The following GSG1L variants were observed in gnomAD, a reference collection of about 807,000 sequenced individuals.
GSG1L encodes germ cell-specific gene 1-like protein.
Under a neutral mutation model 42.1 loss-of-function variants are expected in GSG1L, and 24 were observed. The observed-to-expected ratio is 0.57, with a 90% confidence interval of 0.41 to 0.80. The LOEUF is 0.80. GSG1L is among the 30% of genes least tolerant of loss of function. The pLI, the probability that GSG1L is intolerant of heterozygous loss-of-function variation, is 0.00. For missense variants in GSG1L, 445 were observed against 472.2 expected, an observed-to-expected ratio of 0.94 and a Z score of 0.53; for synonymous variants, 215 against 203.5, an observed-to-expected ratio of 1.06 and a Z score of -0.48.
intron 1 of GSG1L, among the ~76,000 whole-genome samples, chr16:28,016,469 T>C (rs2085781857): frequency 6.6e-6 from 1 of 152,248 alleles, no homozygotes; most frequent in African/African-American, 2.4e-5. Context: ...AAGATTGTTA[T>C]TGATTTTGTT....
At position 27,817,294 on chromosome 16, in the gene GSG1L, G is replaced by A. The variant is rs140543904; in HGVS notation, c.831-9740C>T. On this transcript the variant is annotated intron_variant, in intron 5 of 6. Transcript: ENST00000447459. ...CCCAGCCTCCACTGCCCCTGCTCCA[G>A]GCTGTCATCCCCCGCCATGTTCTCC... is the stretch of plus-strand genomic sequence containing the variant. Among the ~76,000 whole-genome samples, 846 of 152,272 alleles carry A rather than the reference G, an allele frequency of 5.6e-3. 9 individuals are homozygous for A. The highest frequency in any genetic ancestry group is 0.02 in the African/African-American group (817 of 41,566).
chr16:28,010,166 CA>C (rs2085698487), intron 1 of GSG1L, among the ~76,000 whole-genome samples: 1 of 152,158 alleles, frequency 6.6e-6, no homozygotes, highest in Non-Finnish European at 1.5e-5. Context: ...TGCACCGTGT[CA>C]CCTGCACTGT....
chr16:27,815,673 G>A (rs965599207), intron 5 of GSG1L, among the ~76,000 whole-genome samples: 5 of 152,190 alleles, frequency 3.3e-5, no homozygotes, highest in African/African-American at 9.7e-5. Flanking sequence ...CACCAGCCCT[G>A]TGCCTGGACA....
chr16:27,800,742 G>T (rs1453608835), intron 6 of GSG1L, among the ~76,000 whole-genome samples: 1 of 152,204 alleles, frequency 6.6e-6, no homozygotes, highest in East Asian at 1.9e-4. Context: ...TCTCAGATGG[G>T]AGGTGGTGGG....
At chr16:28,029,119 C>T (rs578045234) in intron 1 of GSG1L, among the ~76,000 whole-genome samples, 12 of 152,304 alleles carry the variant, frequency 7.9e-5, no homozygotes, top group Admixed American at 3.3e-4. Context: ...GGTAAGGGTC[C>T]TTGAGCTGTT....
chr16:28,034,081 T>A (rs1288580285), intron 1 of GSG1L, among the ~76,000 whole-genome samples: 1 of 151,736 alleles, frequency 6.6e-6, no homozygotes, highest in Non-Finnish European at 1.5e-5. Flanking sequence ...ACCTATTCCA[T>A]CCTGTCCCAA....
intron 3 of GSG1L, among the ~76,000 whole-genome samples, chr16:27,861,596 A>T (rs1381020707): frequency 1.3e-5 from 2 of 152,210 alleles, no homozygotes; most frequent in Non-Finnish European, 2.9e-5. Context: ...AACACCCTGA[A>T]AGTCTACCAG....
chr16:27,803,812 TATAG>T (rs1331231636), intron 6 of GSG1L, among the ~76,000 whole-genome samples: 4 of 147,488 alleles, frequency 2.7e-5, no homozygotes, highest in Middle Eastern at 3.3e-3. Flanking sequence ...TAGATATAGA[TATAG>T]ATATAGATAT....
chr16:27,969,218 T>A (rs901699453), intron 1 of GSG1L, among the ~76,000 whole-genome samples: 1 of 152,184 alleles, frequency 6.6e-6, no homozygotes, highest in Non-Finnish European at 1.5e-5. Flanking sequence ...CCACAATCAA[T>A]TTTAAAACGT....
chr16:27,924,022 A>G (rs1224378071), intron 2 of GSG1L, among the ~76,000 whole-genome samples: 1 of 152,074 alleles, frequency 6.6e-6, no homozygotes, highest in African/African-American at 2.4e-5. Context: ...AATAGTGTTA[A>G]CTCAGGATTT....
At chr16:28,032,451 G>A (rs1548454) in intron 1 of GSG1L, among the ~76,000 whole-genome samples, 76,063 of 152,034 alleles carry the variant, frequency 0.5, 20,823 homozygotes, top group Non-Finnish European at 0.62. Context: ...ATGTATGCAC[G>A]ACGCGCTCTT....
Position 27,902,708 on chromosome 16 carries a change from C to T in GSG1L, c.398-18070G>A, listed in dbSNP as rs550874318. On this transcript the variant is annotated intron_variant, in intron 2 of 6. Transcript: ENST00000447459. ...GGGTGTGATCACATCCCACCTCCTCCGCTTACCAGCAGGGTGCCTTGGGCG... is the reference window on the plus strand; with the variant it reads ...GGGTGTGATCACATCCCACCTCCTCTGCTTACCAGCAGGGTGCCTTGGGCG... 3.9e-5 allele frequency among the ~76,000 whole-genome samples: 6 copies of T among 152,284 alleles called. No homozygotes were observed. The East Asian group carries it at 5.8e-4, about 15-fold the overall frequency.
At chr16:27,796,376 C>T (rs774487462) in intron 6 of GSG1L, among the ~76,000 whole-genome samples, 1 of 152,236 alleles carries the variant, frequency 6.6e-6, no homozygotes, top group Non-Finnish European at 1.5e-5. Flanking sequence ...ACACTCTCAT[C>T]GCTCTTCTAG....
At chr16:27,950,586 G>A (rs1567532210) in intron 2 of GSG1L, among the ~76,000 whole-genome samples, 1 of 152,050 alleles carries the variant, frequency 6.6e-6, no homozygotes, top group South Asian at 2.1e-4. Context: ...CTCGAGGGAT[G>A]GCTGAGAAGG....
At chr16:27,817,713 A>G (rs995917766) in intron 5 of GSG1L, among the ~76,000 whole-genome samples, 2 of 152,220 alleles carry the variant, frequency 1.3e-5, no homozygotes, top group Non-Finnish European at 2.9e-5. Context: ...AATGAAAATG[A>G]AATGAAAAAA....
chr16:27,954,181 C>T (rs1395037473), intron 2 of GSG1L, among the ~76,000 whole-genome samples: 1 of 152,026 alleles, frequency 6.6e-6, no homozygotes, highest in African/African-American at 2.4e-5. Flanking sequence ...TGGGGCTGAA[C>T]CAAAGGCCAC....
intron 2 of GSG1L, among the ~76,000 whole-genome samples, chr16:27,925,499 G>A (rs2084581524): frequency 6.6e-6 from 1 of 152,188 alleles, no homozygotes; most frequent in Admixed American, 6.5e-5. Flanking sequence ...GTCATGGGAA[G>A]CCACTGAAGA....
intron 1 of GSG1L, among the ~76,000 whole-genome samples, chr16:27,979,666 AGAG>A (rs2085294375): frequency 3.3e-5 from 3 of 92,168 alleles, no homozygotes; most frequent in African/African-American, 4.8e-5. Context: ...AAAGAAAGAG[AGAG>A]AGAGAGAGAG....
In GSG1L at chr16:27,979,691, G is replaced by GAAGGAAGGA. The variant is rs767652414; in HGVS notation, c.350-16497_350-16489dup. On this transcript the variant is annotated intron_variant, in intron 1 of 6. Transcript: ENST00000447459. ...AGAGAGAGAGAGAGAAAGAAAGAAG[G>GAAGGAAGGA]AAGGAAGGAAGGAAGGAAGGAAGGA... Among the ~76,000 whole-genome samples the GAAGGAAGGA allele has an allele frequency of 1.2e-3, 32 of 25,946 alleles. 3 individuals are homozygous for GAAGGAAGGA. In the East Asian group the frequency reaches 0.017, roughly 14 times the overall value. The allele number at this position is 25,946 out of a possible 152,430, so 17.0% of individuals were successfully genotyped here.
Sources: gnomAD v4.1 joint callset for allele counts (sites outside exome capture counted in the v4.1 genomes callset) on GRCh38, gnomAD v4.1.1 for gene constraint, MANE v1.5 for transcripts, NCBI Gene and HGNC (gene_info 2026-07-23, HGNC 2026-07-21) for gene names.